Variants in TTC28 observed in about 807,000 individuals in gnomAD.
TTC28 encodes the protein tetratricopeptide repeat protein 28.
A neutral mutation model predicts 198.0 loss-of-function variants in TTC28; 61 were observed. The observed-to-expected ratio is 0.31, with a 90% CI of 0.25 to 0.38. The LOEUF (loss-of-function observed/expected upper bound fraction) is 0.38. Ranked by LOEUF, TTC28 falls within the 10% of genes least tolerant of loss-of-function variation. TTC28 has a pLI of 1.00. For missense variants in TTC28, 2,678 were observed against 3,164.0 expected (o/e 0.85, Z 3.69); for synonymous variants, 1,171 against 1,297.8 (o/e 0.90, Z 2.10).
At chr22:28,320,258 C>A (rs576061245) in intron 2 of TTC28, among the ~76,000 whole-genome samples, 1 of 150,978 alleles carries the variant, frequency 6.6e-6, no homozygotes, top group South Asian at 2.1e-4. Context: ...TCAGGTAATT[C>A]TCTAGGTTTT....
At chr22:28,443,523 T>C (rs780347658) in intron 2 of TTC28, among the ~76,000 whole-genome samples, 1 of 152,156 alleles carries the variant, frequency 6.6e-6, no homozygotes, top group Non-Finnish European at 1.5e-5. Flanking sequence ...AATGCCTACC[T>C]TCCCTGAACA....
intron 2 of TTC28, among the ~76,000 whole-genome samples, chr22:28,328,222 A>G (rs2045561084): frequency 6.6e-6 from 1 of 152,188 alleles, no homozygotes; most frequent in Non-Finnish European, 1.5e-5. Flanking sequence ...GCTTGAGTCC[A>G]GGAGTTCAAG....
chr22:28,633,037 T>C (rs974836047), intron 1 of TTC28, among the ~76,000 whole-genome samples: 1 of 151,936 alleles, frequency 6.6e-6, no homozygotes, highest in African/African-American at 2.4e-5. Context: ...CCCAGCACTT[T>C]GGGAGGCCGA....
intron 1 of TTC28, among the ~76,000 whole-genome samples, chr22:28,641,963 G>A (rs1375496503): frequency 2.0e-5 from 3 of 152,112 alleles, no homozygotes; most frequent in Admixed American, 1.3e-4. Context: ...TACCCATTCT[G>A]ATTCAATAGG....
At chr22:28,094,326 C>T (rs552487570) in intron 11 of TTC28, 81 bp from the exon 12 acceptor site, 4 of 1,383,026 alleles carry the variant, frequency 2.9e-6, no homozygotes, top group Non-Finnish European at 3.8e-6. Context: ...GACAGGAATG[C>T]CAATGGTATG....
intron 18 of TTC28, chr22:27,992,939 C>A: frequency 1.8e-6 from 1 of 557,078 alleles, no homozygotes; most frequent in South Asian, 2.3e-5. Context: ...AGTCAAGCAC[C>A]CAGCTTCACC....
At chr22:28,062,432 T>G (rs1940583611) in intron 12 of TTC28, among the ~76,000 whole-genome samples, 1 of 110,842 alleles carries the variant, frequency 9.0e-6, no homozygotes. Flanking sequence ...TTTTTTTTTT[T>G]GGAATTATTT....
chr22:28,316,866 A>C (rs1569256430), intron 2 of TTC28, among the ~76,000 whole-genome samples: 1 of 152,180 alleles, frequency 6.6e-6, no homozygotes, highest in Non-Finnish European at 1.5e-5. Context: ...CCCTGAGTGC[A>C]AGTGATCCTC....
At chr22:28,078,320 T>C (rs1368709767) in intron 12 of TTC28, among the ~76,000 whole-genome samples, 2 of 152,138 alleles carry the variant, frequency 1.3e-5, no homozygotes. Flanking sequence ...GCACAGTGCA[T>C]TTTACAAACA....
At chr22:28,640,497 T>G (rs560320083) in intron 1 of TTC28, among the ~76,000 whole-genome samples, 1 of 151,766 alleles carries the variant, frequency 6.6e-6, no homozygotes, top group Middle Eastern at 3.4e-3. Context: ...CCCATAGCTT[T>G]CAGACTTTCA....
At chr22:28,194,784 G>A (rs1256881438) in intron 5 of TTC28, among the ~76,000 whole-genome samples, 1 of 125,530 alleles carries the variant, frequency 8.0e-6, no homozygotes, top group African/African-American at 3.3e-5. Flanking sequence ...TGAAATTGAG[G>A]CAATAATTAA....
intron 5 of TTC28, among the ~76,000 whole-genome samples, chr22:28,207,288 T>G (rs1434793768): frequency 6.7e-6 from 1 of 148,246 alleles, no homozygotes; most frequent in Admixed American, 6.7e-5. Flanking sequence ...AGCTGTGATA[T>G]CATTCTGGGT....
At chr22:28,431,611 A>C (rs993949418) in intron 2 of TTC28, among the ~76,000 whole-genome samples, 1 of 152,216 alleles carries the variant, frequency 6.6e-6, no homozygotes, top group Non-Finnish European at 1.5e-5. Context: ...TTATGCTTAC[A>C]TTTTAAACAA....
Position 27,992,637 on chromosome 22 carries a change from G to T in TTC28, c.5503C>A (p.Leu1835Ile). 1.3e-6 allele frequency: 2 copies of T among 1,551,674 alleles called. No individual in the cohort carries two copies. The highest frequency in any genetic ancestry group is 1.7e-6 in the Non-Finnish European group (2 of 1,146,984). ...LGLPNPALQA[L>I]CKLITASETG... is the part of the protein sequence containing the mutation. ...TCGGAGGCAGTGATGAGTTTGCAAA[G>T]GGCTTGGAGGGCAGGATTGGGCAGA... is the stretch of plus-strand genomic sequence containing the variant. Residue 1835 changes from leucine (L) to isoleucine (I), a missense_variant, in exon 19 of 23, where the codon CTT becomes ATT. Coordinates refer to ENST00000397906, the MANE Select transcript of TTC28 (RefSeq NM_001145418.2).
In TTC28 at chr22:28,618,539, G is replaced by A. The variant is rs547404156; in HGVS notation, c.381+11013C>T. 4.8e-4 allele frequency among the ~76,000 whole-genome samples: 73 copies of A among 151,658 alleles called. No individual in the cohort carries two copies. The Middle Eastern group carries it at 0.01, about 21-fold the overall frequency. On this transcript the variant is annotated intron_variant, in intron 2 of 22. Transcript: ENST00000397906. ...TTTACTAAAAATATAAAAATTAGCC[G>A]GGCGTGGTAGCGCATGCCTGTAATC...
intron 5 of TTC28, among the ~76,000 whole-genome samples, chr22:28,200,167 C>T (rs1013818205): frequency 3.3e-4 from 50 of 152,086 alleles, no homozygotes; most frequent in African/African-American, 1.2e-3. Context: ...TAGCGTACTA[C>T]AGACTTGAAT....
At chr22:28,194,348 C>A in intron 5 of TTC28, among the ~76,000 whole-genome samples, 1 of 152,100 alleles carries the variant, frequency 6.6e-6, no homozygotes, top group Non-Finnish European at 1.5e-5. Context: ...CTAAAATTGA[C>A]ACCTGAACAT....
At position 28,163,296 on chromosome 22, in the gene TTC28, C is replaced by A; in HGVS notation, c.1237G>T (p.Ala413Ser). The A allele has an allele frequency of 2.6e-6, 4 of 1,551,998 alleles. No homozygotes were observed. In the East Asian group the frequency reaches 9.8e-5, roughly 38 times the overall value. Residue 413 changes from alanine (A) to serine (S), a missense_variant, in exon 6 of 23, where the codon GCC becomes TCC. Physicochemically the swap from Ala to Ser is moderately conservative, Grantham distance 99. This residue lies in a region of TTC28 where 775 missense variants were observed against 845.9 expected (regional missense o/e 0.92). Transcript: ENST00000397906. ...AYHYRRNFDK[A>S]MSYHNYVLEL... The stretch of plus-strand genomic sequence containing the variant: ...AGGACATAGTTATGGTAAGACATGG[C>A]CTTGTCAAAGTTCCTCCGGTAGTGA...
At chr22:28,592,326 T>C (rs1228864373) in intron 2 of TTC28, among the ~76,000 whole-genome samples, 1 of 151,924 alleles carries the variant, frequency 6.6e-6, no homozygotes, top group East Asian at 1.9e-4. Context: ...ATCTCAAGCC[T>C]GGGTGACAGA....
Sources: gnomAD v4.1 joint callset for allele counts (sites outside exome capture counted in the v4.1 genomes callset) on GRCh38, gnomAD v4.1.1 for gene constraint, gnomAD v4.1.1 regional missense constraint, MANE v1.5 for transcripts, NCBI Gene and HGNC (gene_info 2026-07-23, HGNC 2026-07-21) for gene names.